LHPP: variants seen among roughly 807,000 people sequenced by gnomAD.
The protein encoded by LHPP is hLHPP.
In LHPP, 24 loss-of-function variants were observed where a neutral mutation model predicts 30.3. The ratio of observed to expected loss-of-function variants is 0.79; its 90% confidence interval spans 0.57 to 1.11. The LOEUF is 1.11. Ranked by LOEUF, LHPP falls within the 50% of genes most tolerant of loss-of-function variation. LHPP has a pLI of 0.00. For synonymous variants in LHPP, 150 were observed against 157.1 expected (o/e 0.95, Z 0.34); for missense variants, 356 against 367.2 (o/e 0.97, Z 0.25).
chr10:124,584,729 AT>A (rs1348105076), intron 6 of LHPP, among the ~76,000 whole-genome samples: 1 of 152,182 alleles, frequency 6.6e-6, no homozygotes, highest in East Asian at 1.9e-4. Context: ...TCTTAACAAT[AT>A]TAAGTATTTT....
intron 6 of LHPP, among the ~76,000 whole-genome samples, chr10:124,568,436 G>T (rs1209542495): frequency 1.3e-5 from 2 of 152,152 alleles, no homozygotes; most frequent in Admixed American, 6.5e-5. Flanking sequence ...AGTTTTGTTC[G>T]CTCCTTTGCT....
chr10:124,573,007 C>T (rs1436072584), intron 6 of LHPP, among the ~76,000 whole-genome samples: 1 of 152,262 alleles, frequency 6.6e-6, no homozygotes, highest in Non-Finnish European at 1.5e-5. Flanking sequence ...TCGCGTTCAA[C>T]TGCGTGGTGT....
At position 124,529,769 on chromosome 10, in the gene LHPP, C is replaced by T. The variant is rs537478373; in HGVS notation, c.716+12498C>T. Among the ~76,000 whole-genome samples, 8 of 151,774 alleles carry T rather than the reference C, an allele frequency of 5.3e-5. No individual in the cohort carries two copies. The South Asian group carries it at 8.3e-4, about 16-fold the overall frequency. On this transcript the variant is annotated intron_variant, in intron 6 of 6. Transcript: ENST00000368842. ...CCTCATTTCATCCCACACTCACATG[C>T]GGGTCCTAGACACCAGCTCATGCAC...
Position 124,541,298 on chromosome 10 carries a change from A to C in LHPP, c.716+24027A>C, listed in dbSNP as rs1019780126. Among the ~76,000 whole-genome samples the C allele has an allele frequency of 6.6e-6, 1 of 152,232 alleles. No homozygotes were observed. Among genetic ancestry groups the C allele is most frequent in the Non-Finnish European group, 1.5e-5 (1 of 68,030 alleles). On this transcript the variant is annotated intron_variant, in intron 6 of 6. Transcript: ENST00000368842. The surrounding 1 kb of genome is among the most constrained non-coding windows in gnomAD (Gnocchi z 4.2). ...GATAGACAATTTGGGCTGGAGCCAA[A>C]CTTGATCAGAGGGAGGCTGACTTTA...
intron 5 of LHPP, among the ~76,000 whole-genome samples, chr10:124,506,388 C>A (rs907947356): frequency 3.3e-5 from 5 of 151,678 alleles, no homozygotes; most frequent in Admixed American, 6.6e-5. Context: ...CCGCCCACTA[C>A]ATGGGACCAC....
chr10:124,527,687 C>T (rs1446089804), intron 6 of LHPP, among the ~76,000 whole-genome samples: 1 of 152,188 alleles, frequency 6.6e-6, no homozygotes, highest in Non-Finnish European at 1.5e-5. Flanking sequence ...GCCCGGAGAC[C>T]CCAAGAGCAC....
intron 6 of LHPP, among the ~76,000 whole-genome samples, chr10:124,530,448 C>T (rs1461100149): frequency 6.6e-6 from 1 of 151,988 alleles, no homozygotes; most frequent in Non-Finnish European, 1.5e-5. Flanking sequence ...TCCACATGTG[C>T]GCACGCCAGG....
At chr10:124,504,634 A>G (rs1954009427) in intron 5 of LHPP, among the ~76,000 whole-genome samples, 1 of 150,406 alleles carries the variant, frequency 6.6e-6, no homozygotes, top group Non-Finnish European at 1.5e-5. Context: ...GAAGGAAGGA[A>G]GGAAAGAAGG....
chr10:124,522,725 C>CACG (rs149860785), intron 6 of LHPP, among the ~76,000 whole-genome samples: 3 of 148,576 alleles, frequency 2.0e-5, no homozygotes, highest in Admixed American at 2.0e-4. Context: ...CTGCCCACGC[C>CACG]CCCCCCCAAG....
At chr10:124,595,306 G>A (rs1948929307) in intron 6 of LHPP, among the ~76,000 whole-genome samples, 1 of 152,152 alleles carries the variant, frequency 6.6e-6, no homozygotes, top group South Asian at 2.1e-4. Flanking sequence ...GGGAGGAGGA[G>A]GGACTGCAGT....
At chr10:124,558,812 G>A (rs952983723) in intron 6 of LHPP, among the ~76,000 whole-genome samples, 4 of 152,232 alleles carry the variant, frequency 2.6e-5, no homozygotes, top group Non-Finnish European at 5.9e-5. Context: ...GGAGCCATCC[G>A]AGCAGGCCCC....
chr10:124,472,730 G>C (rs769348505), intron 1 of LHPP, among the ~76,000 whole-genome samples: 3 of 151,998 alleles, frequency 2.0e-5, no homozygotes, highest in African/African-American at 7.2e-5. Flanking sequence ...GCTAACTTTT[G>C]TATTTTTAGT....
intron 1 of LHPP, among the ~76,000 whole-genome samples, chr10:124,463,851 T>A (rs142449495): frequency 0.022 from 3,302 of 146,900 alleles, 71 homozygotes; most frequent in Middle Eastern, 0.064. Context: ...AGACAAGGTC[T>A]TACTTTGCCA....
chr10:124,464,221 G>A (rs111398128), intron 1 of LHPP, among the ~76,000 whole-genome samples: 5 of 152,288 alleles, frequency 3.3e-5, no homozygotes, highest in African/African-American at 1.2e-4. Flanking sequence ...ATAGGCAGCC[G>A]GGAAGGGCTA....
chr10:124,606,675 C>G (rs1032675459), intron 6 of LHPP, among the ~76,000 whole-genome samples: 5 of 152,246 alleles, frequency 3.3e-5, no homozygotes, highest in African/African-American at 1.2e-4. Flanking sequence ...GGGCCATGCA[C>G]TTTTTTGGGG....
intron 6 of LHPP, among the ~76,000 whole-genome samples, chr10:124,567,927 T>G (rs1373524888): frequency 6.6e-6 from 1 of 152,234 alleles, no homozygotes; most frequent in Admixed American, 6.5e-5. Flanking sequence ...CTTTCTTTCC[T>G]TTTTAAGATG....
chr10:124,564,407 G>A (rs1196677316), intron 6 of LHPP, among the ~76,000 whole-genome samples: 1 of 151,720 alleles, frequency 6.6e-6, no homozygotes, highest in East Asian at 1.9e-4. Flanking sequence ...GCAGGCGTGA[G>A]CCACCGCGCC....
intron 6 of LHPP, among the ~76,000 whole-genome samples, chr10:124,604,021 CT>C (rs1949062020): frequency 6.6e-6 from 1 of 152,248 alleles, no homozygotes; most frequent in Non-Finnish European, 1.5e-5. Flanking sequence ...CTTTGTGTGC[CT>C]CTTGACCCCC....
chr10:124,537,665 C>T (rs1955061839), intron 6 of LHPP, among the ~76,000 whole-genome samples: 1 of 152,240 alleles, frequency 6.6e-6, no homozygotes, highest in South Asian at 2.1e-4. Context: ...CCCCGCTTCT[C>T]AGACAAGGAA....
Sources: allele counts gnomAD v4.1 joint callset (sites outside exome capture counted in the v4.1 genomes callset), GRCh38; gene constraint gnomAD v4.1.1; non-coding constraint Gnocchi (gnomAD v3.1); transcripts MANE v1.5; gene names NCBI Gene and HGNC (gene_info 2026-07-23, HGNC 2026-07-21).